RORA: variants seen among roughly 807,000 people sequenced by gnomAD.
RORA encodes nuclear receptor ROR-alpha.
In RORA, 7 loss-of-function variants were observed where a neutral mutation model predicts 69.5. The ratio of observed to expected loss-of-function variants is 0.10; its 90% confidence interval spans 0.06 to 0.19. The LOEUF (loss-of-function observed/expected upper bound fraction) is 0.19. Among genes scored for constraint, RORA ranks in the 10% least tolerant of loss-of-function variants. RORA has a pLI of 1.00. For synonymous variants in RORA, 261 were observed against 240.8 expected (o/e 1.08, Z -0.78); for missense variants, 457 against 663.0 (o/e 0.69, Z 3.41).
chr15:60,711,256 T>C (rs1486433201), intron 1 of RORA, among the ~76,000 whole-genome samples: 1 of 152,184 alleles, frequency 6.6e-6, no homozygotes, highest in African/African-American at 2.4e-5. Flanking sequence ...ATGGACACTC[T>C]GCACTCCTAC....
intron 1 of RORA, among the ~76,000 whole-genome samples, chr15:60,980,803 G>C (rs1022309020): frequency 6.6e-6 from 1 of 151,708 alleles, no homozygotes; most frequent in Non-Finnish European, 1.5e-5. Flanking sequence ...TGTCAATTTT[G>C]TTAATCTTTT....
intron 1 of RORA, among the ~76,000 whole-genome samples, chr15:61,156,036 A>G (rs911657348): frequency 1.3e-5 from 2 of 152,148 alleles, no homozygotes; most frequent in African/African-American, 2.4e-5. Flanking sequence ...CTCCTTGCAC[A>G]TGACTTTTCT....
At chr15:60,654,906 A>G (rs996178874) in intron 2 of RORA, among the ~76,000 whole-genome samples, 5 of 152,234 alleles carry the variant, frequency 3.3e-5, no homozygotes, top group Non-Finnish European at 5.9e-5. Flanking sequence ...TGTTAGCTCA[A>G]TAAAACTGGG....
chr15:61,066,401 G>A (rs1204900372), intron 1 of RORA, among the ~76,000 whole-genome samples: 1 of 149,202 alleles, frequency 6.7e-6, no homozygotes, highest in Non-Finnish European at 1.5e-5. Context: ...ACAATTGTGG[G>A]AAGACAGGGC....
rs963446741 is a variant in RORA, at chr15:60,511,929, A to G, written c.425-308T>C. 17 of 301,024 alleles carry G rather than the reference A, an allele frequency of 5.6e-5. No individual in the cohort carries two copies. The highest frequency in any genetic ancestry group is 6.8e-5 in the Non-Finnish European group (11 of 160,614). 18.6% of individuals were successfully genotyped at this position (301,024 alleles called of 1,614,324 possible). On this transcript the variant is annotated intron_variant, in intron 4 of 10. Transcript: ENST00000335670. This position sits in a 1 kb window ranked among gnomAD's most constrained non-coding sequence, Gnocchi z 6.4. ...ACATCCCCCGTTTCCACTGCGCCCC[A>G]CTGATAACTTAATGGGCTTGTTCAC...
chr15:60,549,073 T>C (rs1010794869), intron 2 of RORA, among the ~76,000 whole-genome samples: 1 of 152,224 alleles, frequency 6.6e-6, no homozygotes, highest in African/African-American at 2.4e-5. Flanking sequence ...TTCTATGATA[T>C]GTAGCAGCTC....
intron 1 of RORA, among the ~76,000 whole-genome samples, chr15:61,012,154 C>A (rs1043650223): frequency 6.6e-6 from 1 of 152,158 alleles, no homozygotes; most frequent in African/African-American, 2.4e-5. Context: ...TTTCCTACCT[C>A]TGAAATGGAA....
intron 2 of RORA, among the ~76,000 whole-genome samples, chr15:60,608,517 T>G (rs2069005251): frequency 6.6e-6 from 1 of 152,142 alleles, no homozygotes; most frequent in South Asian, 2.1e-4. Flanking sequence ...AACGGGGGTT[T>G]CTGACTCCCA....
intron 1 of RORA, among the ~76,000 whole-genome samples, chr15:61,154,824 C>T (rs1334993877): frequency 6.6e-6 from 1 of 152,102 alleles, no homozygotes; most frequent in African/African-American, 2.4e-5. Context: ...AAAATACACA[C>T]TGACACCGTC....
At chr15:60,759,272 T>C (rs1333046700) in intron 1 of RORA, among the ~76,000 whole-genome samples, 2 of 152,246 alleles carry the variant, frequency 1.3e-5, no homozygotes, top group African/African-American at 4.8e-5. Context: ...CAGCCTGGAC[T>C]ATGTTTGAGG....
intron 1 of RORA, among the ~76,000 whole-genome samples, chr15:61,089,564 C>T (rs1313811755): frequency 6.6e-6 from 1 of 152,142 alleles, no homozygotes; most frequent in Non-Finnish European, 1.5e-5. Context: ...ATACACAGGC[C>T]ATCCTTGGAG....
chr15:61,179,329 T>A (rs769505636), intron 1 of RORA, among the ~76,000 whole-genome samples: 4 of 152,210 alleles, frequency 2.6e-5, no homozygotes, highest in Non-Finnish European at 5.9e-5. Context: ...ACACACTGAA[T>A]GCAGAAGCAG....
At chr15:61,124,400 G>A (rs976412607) in intron 1 of RORA, among the ~76,000 whole-genome samples, 5 of 152,146 alleles carry the variant, frequency 3.3e-5, no homozygotes, top group Non-Finnish European at 5.9e-5. Flanking sequence ...CTCCTGAAGC[G>A]TTTGATGCCG....
chr15:60,904,409 A>G (rs1325672854), intron 1 of RORA, among the ~76,000 whole-genome samples: 3 of 152,192 alleles, frequency 2.0e-5, no homozygotes, highest in Admixed American at 6.5e-5. Flanking sequence ...GACAAGTATG[A>G]TGGCTTGAAG....
chr15:60,828,544 C>G (rs150194720), intron 1 of RORA, among the ~76,000 whole-genome samples: 4 of 152,242 alleles, frequency 2.6e-5, no homozygotes, highest in Non-Finnish European at 4.4e-5. Context: ...GTGGAGAGGA[C>G]ACACCCTCTG....
intron 1 of RORA, among the ~76,000 whole-genome samples, chr15:60,865,077 C>T (rs1049272208): frequency 5.9e-5 from 9 of 152,186 alleles, no homozygotes; most frequent in Non-Finnish European, 1.0e-4. Context: ...TGTTTAGATC[C>T]TGGTTCTCCC....
intron 1 of RORA, among the ~76,000 whole-genome samples, chr15:60,934,649 A>G (rs28571284): frequency 0.28 from 42,805 of 152,110 alleles, 6,400 homozygotes; most frequent in Non-Finnish European, 0.33. Flanking sequence ...CACTGGCTCA[A>G]GAATTTGCAT....
intron 2 of RORA, among the ~76,000 whole-genome samples, chr15:60,567,664 G>A (rs1262194464): frequency 6.6e-6 from 1 of 152,082 alleles, no homozygotes; most frequent in Non-Finnish European, 1.5e-5. Context: ...GCCTGCCTTG[G>A]CCTCTCAAAG....
intron 1 of RORA, among the ~76,000 whole-genome samples, chr15:61,053,736 G>A (rs1045528225): frequency 6.6e-6 from 1 of 150,926 alleles, no homozygotes; most frequent in East Asian, 2.0e-4. Flanking sequence ...AGACGACACA[G>A]CTGATGGGTA....
Sources: gnomAD v4.1 joint callset for allele counts (sites outside exome capture counted in the v4.1 genomes callset) on GRCh38, gnomAD v4.1.1 for gene constraint, Gnocchi (gnomAD v3.1) non-coding constraint, MANE v1.5 for transcripts, NCBI Gene and HGNC (gene_info 2026-07-23, HGNC 2026-07-21) for gene names.